The following CTNNA1 variants were observed in gnomAD, a reference collection of about 807,000 sequenced individuals.
CTNNA1 encodes the protein catenin alpha-1.
In CTNNA1, 37 loss-of-function variants were observed where a neutral mutation model predicts 98.4. The ratio of observed to expected loss-of-function variants is 0.38; its 90% confidence interval spans 0.29 to 0.49. CTNNA1 has a LOEUF of 0.49. CTNNA1 is among the 20% of genes least tolerant of loss of function. The pLI, the probability that CTNNA1 is intolerant of heterozygous loss-of-function variation, is 0.95. For synonymous variants in CTNNA1, 404 were observed against 413.2 expected (o/e 0.98, Z 0.27); for missense variants, 761 against 1,147.2 (o/e 0.66, Z 4.86).
chr5:138,892,328 G>GTTTTTTTTTTT (rs70982738), intron 9 of CTNNA1, among the ~76,000 whole-genome samples: 3 of 79,250 alleles, frequency 3.8e-5, no homozygotes, highest in African/African-American at 1.1e-4. Context: ...AAATAGCTTA[G>GTTTTTTTTTTT]TTTTTTTTTT....
At chr5:138,914,164 T>C (rs368967719) in intron 10 of CTNNA1, among the ~76,000 whole-genome samples, 20 of 152,240 alleles carry the variant, frequency 1.3e-4, no homozygotes, top group Middle Eastern at 3.2e-3. Context: ...GTATGCGATA[T>C]ATTACAAAGA....
intron 2 of CTNNA1, 111 bp from the exon 3 acceptor site, chr5:138,783,066 A>C (rs1755306109): frequency 1.3e-6 from 1 of 765,846 alleles, no homozygotes; most frequent in African/African-American, 1.8e-5. Context: ...GTTAATGTTC[A>C]GTGGAATCTC....
chr5:138,927,130 A>T (rs1365115636), intron 13 of CTNNA1, among the ~76,000 whole-genome samples: 1 of 152,166 alleles, frequency 6.6e-6, no homozygotes. Flanking sequence ...GGTGCCACTC[A>T]GCTGGTTCCC....
intron 7 of CTNNA1, chr5:138,870,531 G>T (rs1201518685): frequency 1.3e-5 from 2 of 152,118 alleles, no homozygotes; most frequent in Non-Finnish European, 2.9e-5. Flanking sequence ...ATTTGCTTTT[G>T]TCCGTACACT....
intron 7 of CTNNA1, among the ~76,000 whole-genome samples, chr5:138,829,119 C>CA (rs989647543): frequency 2.6e-4 from 37 of 141,906 alleles, no homozygotes; most frequent in South Asian, 4.4e-4. Flanking sequence ...GAGAGTGTCT[C>CA]AAAAAAAAAA....
At chr5:138,780,738 A>T (rs1734958583) in intron 1 of CTNNA1, among the ~76,000 whole-genome samples, 1 of 151,226 alleles carries the variant, frequency 6.6e-6, no homozygotes, top group Non-Finnish European at 1.5e-5. Flanking sequence ...CTGGTGTCGA[A>T]CTCCCGACCT....
At chr5:138,902,755 T>G (rs1758352387) in intron 9 of CTNNA1, among the ~76,000 whole-genome samples, 1 of 152,244 alleles carries the variant, frequency 6.6e-6, no homozygotes, top group Non-Finnish European at 1.5e-5. Context: ...ATGCTAATTT[T>G]TTCAATGATC....
At chr5:138,930,741 C>T in intron 15 of CTNNA1, 87 bp downstream of exon 15, 1 of 1,536,952 alleles carries the variant, frequency 6.5e-7, no homozygotes, top group Non-Finnish European at 9.0e-7. Context: ...ACAGCCCAGG[C>T]CATGGGGCTT....
chr5:138,755,375 A>G (rs1751515246), intron 1 of CTNNA1, among the ~76,000 whole-genome samples: 1 of 152,174 alleles, frequency 6.6e-6, no homozygotes, highest in South Asian at 2.1e-4. Context: ...TGAGAAGCAT[A>G]AAAGGGCATA....
chr5:138,856,087 T>C (rs992473402), intron 7 of CTNNA1, among the ~76,000 whole-genome samples: 57 of 152,230 alleles, frequency 3.7e-4, no homozygotes, highest in Admixed American at 2.2e-3. Flanking sequence ...ATGTCATTTC[T>C]TAGCTTTAAT....
At chr5:138,768,346 G>A (rs1319409792) in intron 1 of CTNNA1, among the ~76,000 whole-genome samples, 1 of 151,800 alleles carries the variant, frequency 6.6e-6, no homozygotes, top group Non-Finnish European at 1.5e-5. Context: ...CTCGACCTCT[G>A]CCTCCCAGGT....
intron 14 of CTNNA1, 56 bp downstream of exon 14, chr5:138,929,412 C>A: frequency 1.2e-6 from 1 of 866,180 alleles, no homozygotes; most frequent in Non-Finnish European, 2.0e-6. Context: ...TCCCTGTCCC[C>A]TTTCTTGTTT....
intron 7 of CTNNA1, chr5:138,875,510 C>T: frequency 9.1e-6 from 9 of 985,386 alleles, no homozygotes; most frequent in Non-Finnish European, 9.6e-6. Context: ...AAGAAGAACT[C>T]CTGACTTAAA....
At chr5:138,921,068 T>A (rs1036604152) in intron 11 of CTNNA1, among the ~76,000 whole-genome samples, 1 of 152,200 alleles carries the variant, frequency 6.6e-6, no homozygotes, top group African/African-American at 2.4e-5. Context: ...ACCCCCAAGC[T>A]ATTCTATCCC....
At chr5:138,854,311 CAG>C (rs144902090) in intron 7 of CTNNA1, among the ~76,000 whole-genome samples, 1,777 of 152,228 alleles carry the variant, frequency 0.012, 28 homozygotes, top group African/African-American at 0.041. Flanking sequence ...CTCAAAATCA[CAG>C]GGGGAGCCAA....
At chr5:138,861,345 G>A (rs1764256833) in intron 7 of CTNNA1, among the ~76,000 whole-genome samples, 1 of 152,108 alleles carries the variant, frequency 6.6e-6, no homozygotes, top group Non-Finnish European at 1.5e-5. Flanking sequence ...TAATGTGTGG[G>A]CCACATGGGC....
At chr5:138,814,230 G>C (rs1194768421) in intron 5 of CTNNA1, among the ~76,000 whole-genome samples, 3 of 150,488 alleles carry the variant, frequency 2.0e-5, no homozygotes, top group Non-Finnish European at 4.4e-5. Context: ...GTATACCCAA[G>C]TTAGTGTAGG....
rs1758397100 is a variant in CTNNA1, at chr5:138,809,003, GAGAC to G, written c.302-1032_302-1029del. Among the ~76,000 whole-genome samples the G allele has an allele frequency of 2.0e-5, 3 of 152,164 alleles. No homozygotes were observed. In the South Asian group the frequency reaches 6.2e-4, roughly 32 times the overall value. ...AATTATTTTTAAAAATTTTTTTAAA[GAGAC>G]AGGGTCTTGTTCTATCACCCACGCT... On this transcript the variant is annotated intron_variant, in intron 3 of 17. Transcript: ENST00000302763.
chr5:138,917,435 T>C (rs1235298020), intron 10 of CTNNA1, among the ~76,000 whole-genome samples: 1 of 152,254 alleles, frequency 6.6e-6, no homozygotes, highest in African/African-American at 2.4e-5. Flanking sequence ...TATTTTTTGA[T>C]GTGGCTATAT....
Sources: gnomAD v4.1 joint callset for allele counts (sites outside exome capture counted in the v4.1 genomes callset) on GRCh38, gnomAD v4.1.1 for gene constraint, MANE v1.5 for transcripts, NCBI Gene and HGNC (gene_info 2026-07-23, HGNC 2026-07-21) for gene names.